Variants in ZCCHC14 observed in about 807,000 individuals in gnomAD.
The protein encoded by ZCCHC14 is zinc finger CCHC domain-containing protein 14.
In ZCCHC14, 16 loss-of-function variants were observed where a neutral mutation model predicts 85.0. That is an observed-to-expected ratio of 0.19 (90% confidence interval 0.13 to 0.29). The LOEUF (loss-of-function observed/expected upper bound fraction) is 0.29, where lower values mean the gene tolerates loss of function less well. Among genes scored for constraint, ZCCHC14 ranks in the 10% least tolerant of loss-of-function variants. The pLI is 1.00. For missense variants in ZCCHC14, 1,303 were observed against 1,443.5 expected, an observed-to-expected ratio of 0.90 and a Z score of 1.58; for synonymous variants, 775 against 630.7, an observed-to-expected ratio of 1.23 and a Z score of -3.43.
In ZCCHC14 at chr16:87,410,345, G is replaced by A. The variant is rs750596082; in HGVS notation, c.3206-10C>T. 1 of 772,904 alleles carries A rather than the reference G, an allele frequency of 1.3e-6. No individual in the cohort carries two copies. The allele number at this position is 772,904 out of a possible 1,614,324, so 47.9% of individuals were successfully genotyped here. A position where few individuals can be genotyped will look rare whatever the true frequency, so the allele number is the denominator to read the frequency against. On this transcript the variant is annotated splice_polypyrimidine_tract_variant and intron_variant, in intron 12 of 12. Coordinates refer to ENST00000671377, the MANE Select transcript of ZCCHC14 (RefSeq NM_015144.3). ...TTCAACCTAAAAGTACCTAGAGAGAGGGGAAAAAAGAGGTCAAATTTGAAT... is the reference window on the plus strand; with the variant it reads ...TTCAACCTAAAAGTACCTAGAGAGAAGGGAAAAAAGAGGTCAAATTTGAAT...
chr16:87,460,124 G>A lies in ZCCHC14; in HGVS notation c.578C>T (p.Pro193Leu). 1 of 1,614,128 alleles carries A rather than the reference G, an allele frequency of 6.2e-7. No homozygotes were observed. The highest frequency in any genetic ancestry group is 1.7e-5 in the Admixed American group (1 of 60,022). The change falls in exon 2 of 13, where the codon CCA (proline) becomes CTA (leucine). Residue 193 changes from proline (P) to leucine (L), a missense_variant. Coordinates refer to ENST00000671377, the MANE Select transcript of ZCCHC14 (RefSeq NM_015144.3). ...ACTGCTGACAGGGGCCTCAGTTCTT[G>A]GAGTGATCTGAGGGAACAGAAACAG... ...PTCPACHKIT[P>L]RTEAPVSSVS... is the part of the protein sequence containing the mutation.
In ZCCHC14 at chr16:87,409,997, G is replaced by A. The variant is rs1244325766; in HGVS notation, c.*283C>T. ...GGCCAGTGATGGCAATGCTCTTCGG[G>A]AGACATGGCGTCTCTGCACTGCAAC... On this transcript the variant is annotated 3_prime_UTR_variant, in exon 13 of 13. Coordinates refer to ENST00000671377, the MANE Select transcript of ZCCHC14 (RefSeq NM_015144.3). The A allele has an allele frequency of 7.0e-5, 20 of 283,736 alleles. No homozygotes were observed. The South Asian group carries it at 1.4e-3, about 20-fold the overall frequency. 17.6% of individuals were successfully genotyped at this position (283,736 alleles called of 1,614,324 possible). A position where few individuals can be genotyped will look rare whatever the true frequency, so the allele number is the denominator to read the frequency against.
chr16:87,447,968 G>A (rs1910521455), intron 2 of ZCCHC14, among the ~76,000 whole-genome samples: 1 of 152,008 alleles, frequency 6.6e-6, no homozygotes, highest in South Asian at 2.1e-4. Flanking sequence ...TGACATCCCT[G>A]GACAATCTGT....
chr16:87,459,998 G>C lies in ZCCHC14; in HGVS notation c.694+10C>G. The C allele has an allele frequency of 6.2e-7, 1 of 1,614,048 alleles. No homozygotes were observed. On this transcript the variant is annotated intron_variant, in intron 2 of 12. Transcript: ENST00000671377. ...TCAGACGTCCTCCTGAAACCCGTGC[G>C]TGCACTCACCTTTGCTGTGTTTTCC...
intron 2 of ZCCHC14, among the ~76,000 whole-genome samples, chr16:87,445,255 CG>C (rs1424802592): frequency 6.6e-6 from 1 of 151,958 alleles, no homozygotes; most frequent in Non-Finnish European, 1.5e-5. Flanking sequence ...TTAGTAGAAA[CG>C]GGGTTTCACC....
chr16:87,491,535 G>T lies in ZCCHC14; in HGVS notation c.570+134C>A. ...GGGCTGGGGGCTCGTGGTGCAGGTT[G>T]GAGACCTGGGTGGGAGCTCTCAGTG... On this transcript the variant is annotated intron_variant, in intron 1 of 12. Coordinates refer to ENST00000671377, the MANE Select transcript of ZCCHC14 (RefSeq NM_015144.3). This position sits in a 1 kb window ranked among gnomAD's most constrained non-coding sequence, Gnocchi z 5.9. 1.3e-6 allele frequency: 1 copy of T among 746,466 alleles called. No homozygotes were observed. The highest frequency in any genetic ancestry group is 1.9e-6 in the Non-Finnish European group (1 of 528,046). The allele number at this position is 746,466 out of a possible 1,614,324, so 46.2% of individuals were successfully genotyped here.
In ZCCHC14 at chr16:87,420,849, G is replaced by A. The variant is rs191947682; in HGVS notation, c.841-133C>T. On this transcript the variant is annotated intron_variant, in intron 4 of 12. Transcript: ENST00000671377. This position sits in a 1 kb window ranked among gnomAD's most constrained non-coding sequence, Gnocchi z 5.0. ...TGGTCTGATATGATTTACACCTCCC[G>A]TCAGAGCTATTCTGGGGCCCACATC... The A allele has an allele frequency of 8.1e-5, 52 of 643,140 alleles. No individual in the cohort carries two copies. The highest frequency in any genetic ancestry group is 6.4e-4 in the East Asian group (21 of 32,966). The allele number at this position is 643,140 out of a possible 1,614,324, so 39.8% of individuals were successfully genotyped here. A position where few individuals can be genotyped will look rare whatever the true frequency, so the allele number is the denominator to read the frequency against.
At chr16:87,413,482 C>T (rs1264101440) in intron 10 of ZCCHC14, among the ~76,000 whole-genome samples, 2 of 152,174 alleles carry the variant, frequency 1.3e-5, no homozygotes, top group African/African-American at 4.8e-5. Flanking sequence ...CAGGAACTAT[C>T]ACAACACTAC....
intron 8 of ZCCHC14, among the ~76,000 whole-genome samples, chr16:87,415,685 G>A (rs1479969441): frequency 2.6e-5 from 4 of 152,180 alleles, no homozygotes; most frequent in Non-Finnish European, 5.9e-5. Flanking sequence ...CTTGCCCTCT[G>A]CTCTGTGAGT....
chr16:87,461,749 A>C (rs551144934), intron 1 of ZCCHC14, among the ~76,000 whole-genome samples: 2 of 152,224 alleles, frequency 1.3e-5, no homozygotes, highest in South Asian at 4.1e-4. Context: ...CTCCGGCAGG[A>C]CCAGCACCTG....
chr16:87,449,055 C>T (rs1026410428), intron 2 of ZCCHC14, among the ~76,000 whole-genome samples: 1 of 152,198 alleles, frequency 6.6e-6, no homozygotes, highest in Admixed American at 6.5e-5. Flanking sequence ...ATGAGGGACG[C>T]CTGAGTCAGA....
rs190737800 is a variant in ZCCHC14 at position 87,420,989 on chromosome 16, A to G, written c.841-273T>C. ...GAGCCCATCTGAGAGTTGCTGGGCCACTAAGTCAACTTAATTTCAAACGGG... is the reference window on the plus strand; with the variant it reads ...GAGCCCATCTGAGAGTTGCTGGGCCGCTAAGTCAACTTAATTTCAAACGGG... On this transcript the variant is annotated intron_variant, in intron 4 of 12. Coordinates refer to ENST00000671377, the MANE Select transcript of ZCCHC14 (RefSeq NM_015144.3). This position sits in a 1 kb window ranked among gnomAD's most constrained non-coding sequence, Gnocchi z 5.0. Among the ~76,000 whole-genome samples the G allele has an allele frequency of 6.6e-6, 1 of 152,250 alleles. No individual in the cohort carries two copies. The highest frequency in any genetic ancestry group is 1.5e-5 in the Non-Finnish European group (1 of 68,042).
Position 87,409,778 on chromosome 16 carries a change from C to G in ZCCHC14, c.*502G>C, listed in dbSNP as rs529387329. On this transcript the variant is annotated 3_prime_UTR_variant, in exon 13 of 13. Transcript: ENST00000671377. ...GAGATTTACATCAGGGTACATTCTTCTGTAGTGCAATCCTTAAAAATCCCA... is the reference window on the plus strand; with the variant it reads ...GAGATTTACATCAGGGTACATTCTTGTGTAGTGCAATCCTTAAAAATCCCA... 1.3e-5 allele frequency: 2 copies of G among 153,006 alleles called. No individual in the cohort carries two copies. Among genetic ancestry groups the G allele is most frequent in the Admixed American group, 1.3e-4 (2 of 15,310 alleles). 9.5% of individuals were successfully genotyped at this position (153,006 alleles called of 1,614,324 possible). A position where few individuals can be genotyped will look rare whatever the true frequency, so the allele number is the denominator to read the frequency against.
In ZCCHC14 at chr16:87,413,040, C is replaced by T. The variant is rs201074706; in HGVS notation, c.1744+15G>A. ...GCTGGGCCAGGTCGAGCCAGCGCCG[C>T]GCACGTGCCCTTACGTCTGTCATTC... On this transcript the variant is annotated intron_variant, in intron 11 of 12. Coordinates refer to ENST00000671377, the MANE Select transcript of ZCCHC14 (RefSeq NM_015144.3). 2,010 of 1,614,168 alleles carry T rather than the reference C, an allele frequency of 1.2e-3. 6 individuals are homozygous for T. The highest frequency in any genetic ancestry group is 2.0e-3 in the Middle Eastern group (12 of 6,062).
At chr16:87,419,506 T>C (rs557103477) in intron 6 of ZCCHC14, among the ~76,000 whole-genome samples, 2 of 152,154 alleles carry the variant, frequency 1.3e-5, no homozygotes, top group South Asian at 2.1e-4. Flanking sequence ...TTTCACCATA[T>C]TGGCCGGGCT....
chr16:87,463,852 T>C (rs1035222591), intron 1 of ZCCHC14, among the ~76,000 whole-genome samples: 1 of 151,976 alleles, frequency 6.6e-6, no homozygotes, highest in Admixed American at 6.6e-5. Context: ...ACAGAGTCTC[T>C]TCTGTCACTC....
At chr16:87,435,290 C>T (rs1287177385) in intron 2 of ZCCHC14, among the ~76,000 whole-genome samples, 1 of 152,182 alleles carries the variant, frequency 6.6e-6, no homozygotes, top group African/African-American at 2.4e-5. Flanking sequence ...AACGTTCAAC[C>T]CCCAGTTGTC....
At chr16:87,474,210 C>G (rs1301935901) in intron 1 of ZCCHC14, 1 of 152,412 alleles carries the variant, frequency 6.6e-6, no homozygotes, top group Admixed American at 6.5e-5. Flanking sequence ...ACACGCCTGA[C>G]TCTCCTTCCC....
chr16:87,431,330 G>A (rs1271881838), intron 3 of ZCCHC14, among the ~76,000 whole-genome samples: 2 of 151,814 alleles, frequency 1.3e-5, no homozygotes, highest in African/African-American at 4.8e-5. Flanking sequence ...AAAATTAGCT[G>A]GGCATGGTGG....
Sources: allele counts gnomAD v4.1 joint callset (sites outside exome capture counted in the v4.1 genomes callset), GRCh38; gene constraint gnomAD v4.1.1; non-coding constraint Gnocchi (gnomAD v3.1); transcripts MANE v1.5; gene names NCBI Gene and HGNC (gene_info 2026-07-23, HGNC 2026-07-21).